Variants in CHD6 observed in about 807,000 individuals in gnomAD.
The protein encoded by CHD6 is chromodomain helicase DNA binding protein 6.
CHD6 carries 50 observed loss-of-function variants against 276.9 expected under a neutral mutation model. The observed-to-expected ratio is 0.18, with a 90% CI of 0.14 to 0.23. The LOEUF is 0.23. Ranked by LOEUF, CHD6 falls within the 10% of genes least tolerant of loss-of-function variation. The probability of loss-of-function intolerance (pLI) is 1.00; values close to 1 mark genes in which losing one functional copy is unlikely to be tolerated. For synonymous variants in CHD6, 1,173 were observed against 1,229.3 expected (o/e 0.95, Z 0.96); for missense variants, 2,564 against 3,365.8 (o/e 0.76, Z 5.89).
chr20:41,487,509 C>T (rs544911293), intron 14 of CHD6, among the ~76,000 whole-genome samples, 156 bp downstream of exon 14: 26 of 152,290 alleles, frequency 1.7e-4, no homozygotes, highest in Non-Finnish European at 2.5e-4. Context: ...TCAGCGTACC[C>T]GCCCCAACAT....
At chr20:41,594,700 G>A (rs2045699498) in intron 1 of CHD6, among the ~76,000 whole-genome samples, 1 of 152,176 alleles carries the variant, frequency 6.6e-6, no homozygotes, top group African/African-American at 2.4e-5. Flanking sequence ...TCTATAACTA[G>A]CAAATCTCTG....
At chr20:41,418,654 G>A (rs1440451582) in intron 31 of CHD6, among the ~76,000 whole-genome samples, 2 of 152,076 alleles carry the variant, frequency 1.3e-5, no homozygotes, top group Non-Finnish European at 2.9e-5. Context: ...GGAGACCTGG[G>A]GGCTGGCCCT....
intron 8 of CHD6, 100 bp from the exon 9 acceptor site, chr20:41,494,044 C>A: frequency 1.4e-6 from 1 of 735,736 alleles, no homozygotes; most frequent in Non-Finnish European, 2.3e-6. Flanking sequence ...TAGGCCCTAT[C>A]AACAAACACA....
chr20:41,426,272 A>G (rs2145502097), intron 27 of CHD6, 119 bp from the exon 28 acceptor site: 1 of 769,086 alleles, frequency 1.3e-6, no homozygotes, highest in East Asian at 2.4e-5. Context: ...GCCCATGAAC[A>G]ACTCAGACCA....
At chr20:41,557,407 C>A (rs2045252180) in intron 1 of CHD6, among the ~76,000 whole-genome samples, 1 of 151,690 alleles carries the variant, frequency 6.6e-6, no homozygotes. Context: ...TGAAAGTTTT[C>A]TTTTCTTTTT....
intron 17 of CHD6, among the ~76,000 whole-genome samples, chr20:41,470,238 C>A (rs1239266048): frequency 6.6e-6 from 1 of 152,092 alleles, no homozygotes; most frequent in Non-Finnish European, 1.5e-5. Context: ...CTCTCTCTAT[C>A]ACATCTTTTT....
intron 17 of CHD6, among the ~76,000 whole-genome samples, chr20:41,469,387 A>G (rs1344237595): frequency 6.6e-6 from 1 of 152,214 alleles, no homozygotes. Context: ...AAGCAGAAGT[A>G]TCACAGAACA....
intron 5 of CHD6, among the ~76,000 whole-genome samples, chr20:41,512,029 G>A (rs1284800109): frequency 4.6e-5 from 7 of 151,964 alleles, no homozygotes; most frequent in Non-Finnish European, 7.4e-5. Flanking sequence ...GTATAATGAC[G>A]CGATCTTGGC....
At chr20:41,437,367 ACCTAGGTC>A (rs1468913316) in intron 26 of CHD6, 33 bp from the exon 27 acceptor site, 1 of 1,509,116 alleles carries the variant, frequency 6.6e-7, no homozygotes, top group Admixed American at 1.7e-5. Flanking sequence ...ATCACATACT[ACCTAGGTC>A]CCCCTTATCC....
At chr20:41,500,667 G>T (rs2043810317) in intron 5 of CHD6, among the ~76,000 whole-genome samples, 1 of 152,096 alleles carries the variant, frequency 6.6e-6, no homozygotes, top group Non-Finnish European at 1.5e-5. Flanking sequence ...TAGATAGGTG[G>T]CAGGGAGAAG....
At chr20:41,609,571 A>G (rs2045863917) in intron 1 of CHD6, among the ~76,000 whole-genome samples, 2 of 152,218 alleles carry the variant, frequency 1.3e-5, no homozygotes, top group African/African-American at 2.4e-5. Flanking sequence ...ACACTGCTGC[A>G]TTATAAATTT....
At chr20:41,588,042 GGCAGGTA>G (rs1376241851) in intron 1 of CHD6, among the ~76,000 whole-genome samples, 7 of 152,124 alleles carry the variant, frequency 4.6e-5, no homozygotes, top group African/African-American at 1.7e-4. Flanking sequence ...ATAAAGTAGA[GGCAGGTA>G]GCAGCAGGTA....
At position 41,452,615 on chromosome 20, in the gene CHD6, C is replaced by A. The variant is rs934649988; in HGVS notation, c.3323+125G>T. The A allele has an allele frequency of 2.1e-5, 17 of 827,024 alleles. No individual in the cohort carries two copies. The highest frequency in any genetic ancestry group is 4.8e-5 in the Admixed American group (2 of 41,644). 51.2% of individuals were successfully genotyped at this position (827,024 alleles called of 1,614,324 possible). On this transcript the variant is annotated intron_variant, in intron 21 of 36. Coordinates refer to ENST00000373233, the MANE Select transcript of CHD6 (RefSeq NM_032221.5). This position sits in a 1 kb window ranked among gnomAD's most constrained non-coding sequence, Gnocchi z 4.2. ...AAGGCACAGTTCTCTCTTGCTCCAACAGATCCCCCTTTGCCCTATAATTCC... is the reference window on the plus strand; with the variant it reads ...AAGGCACAGTTCTCTCTTGCTCCAAAAGATCCCCCTTTGCCCTATAATTCC...
chr20:41,458,590 A>G (rs1412425057), intron 17 of CHD6, among the ~76,000 whole-genome samples: 1 of 152,194 alleles, frequency 6.6e-6, no homozygotes, highest in East Asian at 1.9e-4. Flanking sequence ...ACACATATAC[A>G]TACACATACT....
chr20:41,591,669 G>A (rs1465559774), intron 1 of CHD6, among the ~76,000 whole-genome samples: 5 of 152,010 alleles, frequency 3.3e-5, no homozygotes, highest in African/African-American at 1.2e-4. Flanking sequence ...CTCCAGCCTG[G>A]GCAACAAGAA....
chr20:41,553,491 C>T (rs554086399), intron 1 of CHD6, among the ~76,000 whole-genome samples: 1 of 152,324 alleles, frequency 6.6e-6, no homozygotes, highest in East Asian at 1.9e-4. Flanking sequence ...TCATAAGCAA[C>T]TTCCTCTCCT....
intron 3 of CHD6, among the ~76,000 whole-genome samples, chr20:41,531,794 T>C (rs1234982705): frequency 2.6e-5 from 4 of 152,172 alleles, no homozygotes; most frequent in Non-Finnish European, 5.9e-5. Flanking sequence ...CTGAACCATA[T>C]AGTAAACTCC....
chr20:41,607,354 C>T (rs1275621595), intron 1 of CHD6, among the ~76,000 whole-genome samples: 1 of 152,188 alleles, frequency 6.6e-6, no homozygotes, highest in Non-Finnish European at 1.5e-5. Context: ...TGACATTGAT[C>T]ATGATGCTTG....
Position 41,403,410 on chromosome 20 carries a change from A to G in CHD6, c.*1183T>C. 2 of 1,062,084 alleles carry G rather than the reference A, an allele frequency of 1.9e-6. No individual in the cohort carries two copies. Among genetic ancestry groups the G allele is most frequent in the Non-Finnish European group, 2.3e-6 (2 of 877,114 alleles). 65.8% of individuals were successfully genotyped at this position (1,062,084 alleles called of 1,614,324 possible). A position where few individuals can be genotyped will look rare whatever the true frequency, so the allele number is the denominator to read the frequency against. On this transcript the variant is annotated 3_prime_UTR_variant, in exon 37 of 37. Transcript: ENST00000373233. ...GCAGTTTCTTTCTCAGTTCCTAAACATGGAGAAGCTGAGGAAGAAGAGAAA... is the reference window on the plus strand; with the variant it reads ...GCAGTTTCTTTCTCAGTTCCTAAACGTGGAGAAGCTGAGGAAGAAGAGAAA...
Sources: allele counts gnomAD v4.1 joint callset (sites outside exome capture counted in the v4.1 genomes callset), GRCh38; gene constraint gnomAD v4.1.1; non-coding constraint Gnocchi (gnomAD v3.1); transcripts MANE v1.5; gene names NCBI Gene and HGNC (gene_info 2026-07-23, HGNC 2026-07-21).